The following LAPTM4B variants were observed in gnomAD, a reference collection of about 807,000 sequenced individuals.
LAPTM4B encodes the protein lysosomal protein transmembrane 4 beta, also known as lysosomal-associated transmembrane protein 4B.
In LAPTM4B, 26 loss-of-function variants were observed where a neutral mutation model predicts 28.5. That is an observed-to-expected ratio of 0.91 (90% CI 0.67 to 1.27). The LOEUF (loss-of-function observed/expected upper bound fraction) is 1.27, where lower values mean the gene tolerates loss of function less well. Ranked by LOEUF, LAPTM4B falls within the 50% of genes most tolerant of loss-of-function variation. The pLI is 0.00. For synonymous variants in LAPTM4B, 109 were observed against 106.4 expected, an observed-to-expected ratio of 1.02 and a Z score of -0.15; for missense variants, 288 against 285.8, an observed-to-expected ratio of 1.01 and a Z score of -0.06.
intron 2 of LAPTM4B, among the ~76,000 whole-genome samples, chr8:97,806,299 G>A (rs1487017915): frequency 1.3e-5 from 2 of 152,190 alleles, no homozygotes; most frequent in Non-Finnish European, 2.9e-5. Context: ...GGTACTGGGT[G>A]TGTGAGCACA....
At chr8:97,846,491 C>T (rs1302446961) in intron 6 of LAPTM4B, among the ~76,000 whole-genome samples, 1 of 152,128 alleles carries the variant, frequency 6.6e-6, no homozygotes, top group Non-Finnish European at 1.5e-5. Context: ...CCACGCCCAG[C>T]TAACTTTGTA....
At chr8:97,810,878 A>G (rs1816815904) in intron 2 of LAPTM4B, among the ~76,000 whole-genome samples, 1 of 152,228 alleles carries the variant, frequency 6.6e-6, no homozygotes, top group African/African-American at 2.4e-5. Context: ...ACTTATATAT[A>G]CAGTCACCTG....
chr8:97,845,034 C>T (rs1350363884), intron 6 of LAPTM4B, among the ~76,000 whole-genome samples: 1 of 152,198 alleles, frequency 6.6e-6, no homozygotes, highest in African/African-American at 2.4e-5. Context: ...AAAGCACCCT[C>T]AACTCTTTCA....
At chr8:97,816,661 CTAAAT>C (rs1485419775) in intron 4 of LAPTM4B, among the ~76,000 whole-genome samples, 1 of 152,168 alleles carries the variant, frequency 6.6e-6, no homozygotes, top group African/African-American at 2.4e-5. Flanking sequence ...ATGTGCCTAC[CTAAAT>C]TATAGTCCAG....
chr8:97,795,448 C>T (rs919024596), intron 1 of LAPTM4B, among the ~76,000 whole-genome samples: 3 of 152,042 alleles, frequency 2.0e-5, no homozygotes, highest in Admixed American at 6.6e-5. Context: ...CATAAAAGGA[C>T]GTAAAATATA....
At chr8:97,850,543 A>G (rs1316117790) in intron 6 of LAPTM4B, among the ~76,000 whole-genome samples, 4 of 150,690 alleles carry the variant, frequency 2.7e-5, no homozygotes, top group African/African-American at 5.0e-5. Context: ...TGGTTCTAGT[A>G]GGAGCTAAAG....
intron 6 of LAPTM4B, among the ~76,000 whole-genome samples, chr8:97,835,408 T>A (rs765727349): frequency 6.6e-6 from 1 of 152,240 alleles, no homozygotes; most frequent in African/African-American, 2.4e-5. Flanking sequence ...TTCCCTGGGT[T>A]AATCTCTCCT....
chr8:97,799,847 G>C (rs1435513575), intron 1 of LAPTM4B, among the ~76,000 whole-genome samples: 4 of 151,884 alleles, frequency 2.6e-5, no homozygotes, highest in Non-Finnish European at 5.9e-5. Flanking sequence ...CCTGACCCTG[G>C]CGTTCCAGCC....
At chr8:97,842,880 A>T (rs1222335683) in intron 6 of LAPTM4B, among the ~76,000 whole-genome samples, 1 of 134,542 alleles carries the variant, frequency 7.4e-6, no homozygotes, top group African/African-American at 2.8e-5. Flanking sequence ...CCCTTATATA[A>T]TATCTTTTTT....
chr8:97,850,790 A>C (rs977555400), intron 6 of LAPTM4B, among the ~76,000 whole-genome samples: 1 of 146,990 alleles, frequency 6.8e-6, no homozygotes, highest in African/African-American at 2.6e-5. Flanking sequence ...TACTAGATGC[A>C]TAATAAATGT....
At chr8:97,776,488 T>A (rs992154600) in intron 1 of LAPTM4B, among the ~76,000 whole-genome samples, 3 of 152,256 alleles carry the variant, frequency 2.0e-5, no homozygotes, top group African/African-American at 7.2e-5. Flanking sequence ...GCCCGTGGGC[T>A]TTGTGTTTCG....
intron 6 of LAPTM4B, among the ~76,000 whole-genome samples, chr8:97,841,530 G>A (rs1391109517): frequency 6.6e-6 from 1 of 152,134 alleles, no homozygotes; most frequent in African/African-American, 2.4e-5. Context: ...GTTTCACCAT[G>A]TTGGCTAGGC....
rs1816336033 is a variant in LAPTM4B, at chr8:97,782,407, G to A, written c.99+6299G>A. Reference sequence around the variant, plus strand: ...GCCATTTCAGCCTCCCAAGTAGCTGGGACTACAGGCTCACACCACCACTCC... The same window carrying A: ...GCCATTTCAGCCTCCCAAGTAGCTGAGACTACAGGCTCACACCACCACTCC... On this transcript the variant is annotated intron_variant, in intron 1 of 6. Transcript: ENST00000521545. 2.0e-5 allele frequency among the ~76,000 whole-genome samples: 3 copies of A among 147,720 alleles called. No individual in the cohort carries two copies. The Admixed American group carries it at 2.1e-4, about 10-fold the overall frequency.
At chr8:97,785,269 G>T (rs1353217161) in intron 1 of LAPTM4B, among the ~76,000 whole-genome samples, 2 of 151,976 alleles carry the variant, frequency 1.3e-5, no homozygotes, top group African/African-American at 2.4e-5. Flanking sequence ...TAGAGATGGG[G>T]TTTCACCATG....
chr8:97,776,195 C>T, intron 1 of LAPTM4B, 87 bp downstream of exon 1: 2 of 1,338,062 alleles, frequency 1.5e-6, no homozygotes, highest in Middle Eastern at 2.6e-4. Context: ...TGGGGTGAGG[C>T]GTGCGCTCAT....
chr8:97,827,147 C>T (rs947858870), intron 6 of LAPTM4B, among the ~76,000 whole-genome samples: 1 of 152,202 alleles, frequency 6.6e-6, no homozygotes, highest in African/African-American at 2.4e-5. Context: ...ATCCACAGTT[C>T]CTGGCTCTTA....
chr8:97,795,000 C>G (rs7012210), intron 1 of LAPTM4B, among the ~76,000 whole-genome samples: 10,536 of 152,308 alleles, frequency 0.069, 948 homozygotes, highest in East Asian at 0.38. Context: ...GCGTGAGCCG[C>G]CATGCCCAGC....
chr8:97,814,170 G>A lies in LAPTM4B; in HGVS notation c.212-1158G>A, dbSNP rs80230132. Among the ~76,000 whole-genome samples, 924 of 152,234 alleles carry A rather than the reference G, an allele frequency of 6.1e-3. 7 individuals are homozygous for A. The highest frequency in any genetic ancestry group is 0.021 in the African/African-American group (871 of 41,534). ...TCACACCACTGCAACTCCAGATTGG[G>A]AGACCAAACAAGACTCCTTATTTAC... On this transcript the variant is annotated intron_variant, in intron 2 of 6. Coordinates refer to ENST00000521545, the MANE Select transcript of LAPTM4B (RefSeq NM_018407.6).
intron 1 of LAPTM4B, among the ~76,000 whole-genome samples, chr8:97,793,966 C>T (rs960333204): frequency 6.6e-6 from 1 of 152,082 alleles, no homozygotes; most frequent in Non-Finnish European, 1.5e-5. Flanking sequence ...CACCACCAAA[C>T]CCAGCTAATT....
Sources: allele counts gnomAD v4.1 joint callset (sites outside exome capture counted in the v4.1 genomes callset), GRCh38; gene constraint gnomAD v4.1.1; transcripts MANE v1.5; gene names NCBI Gene and HGNC (gene_info 2026-07-23, HGNC 2026-07-21).